The following RWDD1 variants were observed in gnomAD, a reference collection of about 807,000 sequenced individuals.
RWDD1 encodes RWD domain-containing protein 1.
Under a neutral mutation model 31.6 loss-of-function variants are expected in RWDD1, and 17 were observed. The ratio of observed to expected loss-of-function variants is 0.54; its 90% CI spans 0.37 to 0.81. RWDD1 has a LOEUF of 0.81. Ranked by LOEUF, RWDD1 falls within the 30% of genes least tolerant of loss-of-function variation. RWDD1 has a pLI of 0.00. For missense variants in RWDD1, 204 were observed against 274.5 expected, an observed-to-expected ratio of 0.74 and a Z score of 1.82; for synonymous variants, 78 against 94.2, an observed-to-expected ratio of 0.83 and a Z score of 0.99.
rs750812844 is a variant in RWDD1, at chr6:116,588,864, T to C, written c.293T>C (p.Val98Ala). Residue 98 changes from valine to alanine, a missense_variant, in exon 4 of 7, where the codon GTG (valine) becomes GCG (alanine). Val to Ala is a moderately conservative substitution (Grantham distance 64). Coordinates refer to ENST00000466444, the MANE Select transcript of RWDD1 (RefSeq NM_015952.4). ...ALQAEENLGMVMIFTLVTAVQ... is the reference protein window; with the variant it reads ...ALQAEENLGMAMIFTLVTAVQ... The stretch of plus-strand genomic sequence containing the variant: ...CAGGCTGAAGAAAATCTTGGTATGG[T>C]GATGATTTTTACTCTAGTGACAGCT... The C allele has an allele frequency of 1.1e-5, 17 of 1,543,862 alleles. No homozygotes were observed. In the South Asian group the frequency reaches 1.9e-4, roughly 18 times the overall value.
Position 116,588,883 on chromosome 6 carries a change from G to A in RWDD1, c.312G>A (p.Val104=), listed in dbSNP as rs551081236. 4.2e-5 allele frequency: 64 copies of A among 1,541,996 alleles called. No individual in the cohort carries two copies. In the South Asian group the frequency reaches 7.9e-4, roughly 19 times the overall value. ...NLGMVMIFTL[V]TAVQEKLNEI... The stretch of plus-strand genomic sequence containing the variant: ...GTATGGTGATGATTTTTACTCTAGT[G>A]ACAGCTGTGCAAGAAAAATTAAATG... The change falls in exon 4 of 7, where the codon GTG becomes GTA. Residue 104 remains valine (V), a synonymous_variant. Coordinates refer to ENST00000466444, the MANE Select transcript of RWDD1 (RefSeq NM_015952.4).
chr6:116,586,829 T>C (rs1775049035), intron 3 of RWDD1, among the ~76,000 whole-genome samples: 1 of 152,214 alleles, frequency 6.6e-6, no homozygotes, highest in African/African-American at 2.4e-5. Flanking sequence ...TATTGCTAAT[T>C]TGGCCTTCAA....
Position 116,584,756 on chromosome 6 carries a change from A to C in RWDD1, c.169A>C (p.Ser57Arg). The stretch of plus-strand genomic sequence containing the variant: ...CCAGACTACCCTCAAGTTTACATAC[A>C]GTGAAAAATACCCAGATGAAGCTCC... ...TVQTTLKFTYSEKYPDEAPLY... is the reference protein window; with the variant it reads ...TVQTTLKFTYREKYPDEAPLY... Residue 57 changes from serine (S) to arginine (R), a missense_variant, in exon 3 of 7, where the codon AGT becomes CGT. Transcript: ENST00000466444. 6.2e-7 allele frequency: 1 copy of C among 1,610,506 alleles called. No individual in the cohort carries two copies. Among genetic ancestry groups the C allele is most frequent in the Non-Finnish European group, 8.5e-7 (1 of 1,176,944 alleles).
chr6:116,589,470 A>G (rs1725271539), intron 4 of RWDD1, among the ~76,000 whole-genome samples: 1 of 152,184 alleles, frequency 6.6e-6, no homozygotes, highest in Non-Finnish European at 1.5e-5. Context: ...CAAGCTTGAT[A>G]TAGAGTTTAG....
At chr6:116,572,772 C>G in intron 1 of RWDD1, 5 of 860,228 alleles carry the variant, frequency 5.8e-6, no homozygotes, top group Non-Finnish European at 7.0e-6. Context: ...ACCCCTCTCC[C>G]TTTCATTGTT....
rs776986961 is a variant in RWDD1 at position 116,577,880 on chromosome 6, G to A, written c.74-2415G>A. 3.6e-4 allele frequency among the ~76,000 whole-genome samples: 54 copies of A among 151,950 alleles called. 1 individual carries two copies. The highest frequency in any genetic ancestry group is 3.4e-3 in the Admixed American group (52 of 15,258). ...ACTGTATTTTCACCTAGTTTTCTTC[G>A]CTCACATATAAGTTCAGCAAATGGA... On this transcript the variant is annotated intron_variant, in intron 1 of 6. Coordinates refer to ENST00000466444, the MANE Select transcript of RWDD1 (RefSeq NM_015952.4).
rs1031182233 is a variant in RWDD1, at chr6:116,591,003, G to A, written c.610+53G>A. On this transcript the variant is annotated intron_variant, in intron 6 of 6. Transcript: ENST00000466444. ...GGGACAGGCACAGTAGCTCAAACCT[G>A]TAATCCCAGCATTTTGGAAAGCCAA... 1.1e-5 allele frequency: 17 copies of A among 1,504,492 alleles called. No homozygotes were observed. The African/African-American group carries it at 2.2e-4, about 19-fold the overall frequency. The allele number at this position is 1,504,492 out of a possible 1,614,324, so 93.2% of individuals were successfully genotyped here.
chr6:116,575,745 G>C (rs1774828176), intron 1 of RWDD1, among the ~76,000 whole-genome samples: 1 of 152,090 alleles, frequency 6.6e-6, no homozygotes, highest in African/African-American at 2.4e-5. Flanking sequence ...AATTCCTCAG[G>C]GACACATCTT....
chr6:116,582,970 T>C (rs1270266664), intron 2 of RWDD1, among the ~76,000 whole-genome samples: 1 of 151,108 alleles, frequency 6.6e-6, no homozygotes, highest in Non-Finnish European at 1.5e-5. Flanking sequence ...TTTTTTTTAA[T>C]TTTTAAAATT....
chr6:116,571,686 C>G, intron 1 of RWDD1, 31 bp downstream of exon 1: 1 of 1,600,768 alleles, frequency 6.2e-7, no homozygotes, highest in South Asian at 1.1e-5. Context: ...CCTGTAGCCG[C>G]CCCGAGGTGG....
At position 116,595,098 on chromosome 6, in the gene RWDD1, G is replaced by A. The variant is rs1470975788; in HGVS notation, c.*1997G>A. 6.6e-6 allele frequency: 1 copy of A among 152,172 alleles called. No individual in the cohort carries two copies. The highest frequency in any genetic ancestry group is 6.6e-5 in the Admixed American group (1 of 15,266). 9.4% of individuals were successfully genotyped at this position (152,172 alleles called of 1,614,324 possible). A position where few individuals can be genotyped will look rare whatever the true frequency, so the allele number is the denominator to read the frequency against. On this transcript the variant is annotated 3_prime_UTR_variant, in exon 7 of 7. Coordinates refer to ENST00000466444, the MANE Select transcript of RWDD1 (RefSeq NM_015952.4). ...CCCATCTTTTTGAAGCTGATCAGCA[G>A]ATACATAAGAACCTGGAAGAAGCTG...
intron 3 of RWDD1, among the ~76,000 whole-genome samples, chr6:116,585,996 A>G (rs1045780203): frequency 6.6e-5 from 10 of 152,010 alleles, no homozygotes; most frequent in African/African-American, 2.4e-4. Flanking sequence ...AGAACCTGGG[A>G]TGGTTATGCT....
In RWDD1 at chr6:116,594,345, A is replaced by T. The variant is rs1224512915; in HGVS notation, c.*1244A>T. ...GTATTTAAATTAGAATTTAAATTAAAATTTAAATTACAGTATTTAAATTAG... is the reference window on the plus strand; with the variant it reads ...GTATTTAAATTAGAATTTAAATTAATATTTAAATTACAGTATTTAAATTAG... On this transcript the variant is annotated 3_prime_UTR_variant, in exon 7 of 7. Transcript: ENST00000466444. 6.6e-6 allele frequency: 1 copy of T among 152,112 alleles called. No homozygotes were observed. The highest frequency in any genetic ancestry group is 1.5e-5 in the Non-Finnish European group (1 of 68,024). 9.4% of individuals were successfully genotyped at this position (152,112 alleles called of 1,614,324 possible).
chr6:116,588,405 C>T (rs966573495), intron 3 of RWDD1, among the ~76,000 whole-genome samples: 2 of 151,872 alleles, frequency 1.3e-5, no homozygotes, highest in Non-Finnish European at 2.9e-5. Context: ...GGTTTTAAAC[C>T]ATTTCAAATC....
At position 116,584,822 on chromosome 6, in the gene RWDD1, G is replaced by T; in HGVS notation, c.235G>T (p.Asp79Tyr). Residue 79 changes from aspartate to tyrosine, a missense_variant, in exon 3 of 7, where the codon GAT becomes TAT. Transcript: ENST00000466444. ...IFSQENLEDNDVSDILKLLAL... is the reference protein window; with the variant it reads ...IFSQENLEDNYVSDILKLLAL... ...CTCCCAGGAAAATCTAGAAGATAAT[G>T]ATGTCTCAGACATTTTAAAATTACT... The T allele has an allele frequency of 6.3e-7, 1 of 1,593,542 alleles. No individual in the cohort carries two copies. The highest frequency in any genetic ancestry group is 8.6e-7 in the Non-Finnish European group (1 of 1,161,560).
intron 1 of RWDD1, among the ~76,000 whole-genome samples, chr6:116,579,027 C>T (rs1255750005): frequency 6.6e-6 from 1 of 152,084 alleles, no homozygotes; most frequent in Non-Finnish European, 1.5e-5. Flanking sequence ...AGGCATGCGC[C>T]ACCACGCCTG....
Position 116,590,491 on chromosome 6 carries a change from T to G in RWDD1, c.547+87T>G, listed in dbSNP as rs947362512. On this transcript the variant is annotated intron_variant, in intron 5 of 6. Transcript: ENST00000466444. ...AGAGGATCATTTGGTCAGATTTCTGTAAGAAAATAATATACATAGGCATCT... is the reference window on the plus strand; with the variant it reads ...AGAGGATCATTTGGTCAGATTTCTGGAAGAAAATAATATACATAGGCATCT... 2.1e-5 allele frequency: 30 copies of G among 1,444,844 alleles called. No homozygotes were observed. The African/African-American group carries it at 4.2e-4, about 20-fold the overall frequency. The allele number at this position is 1,444,844 out of a possible 1,614,324, so 89.5% of individuals were successfully genotyped here.
chr6:116,593,168 G>T lies in RWDD1; in HGVS notation c.*67G>T. 2 of 1,429,064 alleles carry T rather than the reference G, an allele frequency of 1.4e-6. No individual in the cohort carries two copies. The highest frequency in any genetic ancestry group is 1.6e-5 in the South Asian group (1 of 64,404). The allele number at this position is 1,429,064 out of a possible 1,614,324, so 88.5% of individuals were successfully genotyped here. ...TCTGTGGCTATGCTCAGAGGGTTATGATTTTCCTTTCTTTTTTTCTAAGAA... is the reference window on the plus strand; with the variant it reads ...TCTGTGGCTATGCTCAGAGGGTTATTATTTTCCTTTCTTTTTTTCTAAGAA... On this transcript the variant is annotated 3_prime_UTR_variant, in exon 7 of 7. Coordinates refer to ENST00000466444, the MANE Select transcript of RWDD1 (RefSeq NM_015952.4).
intron 1 of RWDD1, among the ~76,000 whole-genome samples, chr6:116,575,480 A>G (rs1156337907): frequency 6.6e-6 from 1 of 152,222 alleles, no homozygotes; most frequent in Non-Finnish European, 1.5e-5. Flanking sequence ...ACAGTAATGC[A>G]TGGTAATGGG....
Sources: allele counts gnomAD v4.1 joint callset (sites outside exome capture counted in the v4.1 genomes callset), GRCh38; gene constraint gnomAD v4.1.1; transcripts MANE v1.5; gene names NCBI Gene and HGNC (gene_info 2026-07-23, HGNC 2026-07-21).